The following ERCC6 variants were observed in gnomAD, a reference collection of about 807,000 sequenced individuals.
The protein encoded by ERCC6 is ERCC excision repair 6, chromatin remodeling factor.
ERCC6 carries 116 observed loss-of-function variants against 158.7 expected under a neutral mutation model. That is an observed-to-expected ratio of 0.73 (90% CI 0.63 to 0.85). The LOEUF is 0.85. ERCC6 is among the 40% of genes least tolerant of loss of function. The pLI is 0.00. For missense variants in ERCC6, 1,698 were observed against 1,799.4 expected, an observed-to-expected ratio of 0.94 and a Z score of 1.02; for synonymous variants, 678 against 659.3, an observed-to-expected ratio of 1.03 and a Z score of -0.43.
chr10:49,449,953 A>G (rs1358985656), downstream of ERCC6, among the ~76,000 whole-genome samples: 1 of 151,870 alleles, frequency 6.6e-6, no homozygotes, highest in African/African-American at 2.4e-5. Flanking sequence ...GATCACTACA[A>G]CCTTGACCTC....
At chr10:49,517,228 A>G in intron 5 of ERCC6, 1 of 1,431,128 alleles carries the variant, frequency 7.0e-7, no homozygotes, top group Non-Finnish European at 9.3e-7. Flanking sequence ...CAATAATAAT[A>G]CTTTCTGTAT....
chr10:49,504,586 T>C (rs1363431609), intron 6 of ERCC6: 1 of 152,194 alleles, frequency 6.6e-6, no homozygotes, highest in Non-Finnish European at 1.5e-5. Context: ...ATAATTTGGG[T>C]ATTCCTTTTG....
chr10:49,511,453 C>T (rs1274480958), intron 5 of ERCC6, among the ~76,000 whole-genome samples: 6 of 145,518 alleles, frequency 4.1e-5, no homozygotes. Flanking sequence ...GAGACAAAGT[C>T]TCACTCTGTC....
chr10:49,473,556 G>A lies in ERCC6; in HGVS notation c.2630C>T (p.Ala877Val), dbSNP rs774425283. Residue 877 changes from alanine to valine, a missense_variant, in exon 14 of 21, where the codon GCC becomes GTC. Coordinates refer to ENST00000355832, the MANE Select transcript of ERCC6 (RefSeq NM_000124.4). Reference protein sequence around the residue: ...MLDILEVFLRAQKYTYLKMDG... With the variant: ...MLDILEVFLRVQKYTYLKMDG... The stretch of plus-strand genomic sequence containing the variant: ...CATCTTGAGATAGGTATACTTTTGG[G>A]CTCTAAGGAATACTTCAAGTATGTC... 2.5e-6 allele frequency: 4 copies of A among 1,612,240 alleles called. No individual in the cohort carries two copies. The highest frequency in any genetic ancestry group is 1.7e-6 in the Non-Finnish European group (2 of 1,178,400).
At chr10:49,518,894 C>T (rs1181065336) in intron 5 of ERCC6, among the ~76,000 whole-genome samples, 2 of 152,128 alleles carry the variant, frequency 1.3e-5, no homozygotes, top group Non-Finnish European at 2.9e-5. Flanking sequence ...CTTTACATCT[C>T]AGAGTTACTC....
chr10:49,467,731 A>AT lies in ERCC6; in HGVS notation c.3778+2450dup, dbSNP rs560815159. Among the ~76,000 whole-genome samples the AT allele has an allele frequency of 2.1e-3, 304 of 145,528 alleles. 2 individuals are homozygous for AT. Among genetic ancestry groups the AT allele is most frequent in the South Asian group, 3.1e-3 (14 of 4,558 alleles). On this transcript the variant is annotated intron_variant, in intron 18 of 20. Coordinates refer to ENST00000355832, the MANE Select transcript of ERCC6 (RefSeq NM_000124.4). ...CAGGTGTATGCTACCACACCCGGCT[A>AT]TTTTTTTTTTTATTTTTTGTAGAGA... is the stretch of plus-strand genomic sequence containing the variant.
At chr10:49,529,351 C>T (rs1048864446) in intron 3 of ERCC6, among the ~76,000 whole-genome samples, 6 of 152,242 alleles carry the variant, frequency 3.9e-5, no homozygotes, top group Admixed American at 3.9e-4. Flanking sequence ...GAATAGTCTA[C>T]CTCTAACCAT....
rs118095088 is a variant in ERCC6 at position 49,456,562 on chromosome 10, T to G, written c.*2253A>C. The stretch of plus-strand genomic sequence containing the variant: ...TACACACCAAACCTAGGGCTGTACT[T>G]AGCTGTGGAACAGGTGCAAGATGGT... On this transcript the variant is annotated 3_prime_UTR_variant, in exon 21 of 21. Transcript: ENST00000355832. 1 of 152,302 alleles carries G rather than the reference T, an allele frequency of 6.6e-6. No homozygotes were observed. Among genetic ancestry groups the G allele is most frequent in the Non-Finnish European group, 1.5e-5 (1 of 68,022 alleles). The allele number at this position is 152,302 out of a possible 1,614,324, so 9.4% of individuals were successfully genotyped here. A position where few individuals can be genotyped will look rare whatever the true frequency, so the allele number is the denominator to read the frequency against.
At chr10:49,518,702 C>G (rs1564439151) in intron 5 of ERCC6, among the ~76,000 whole-genome samples, 1 of 152,122 alleles carries the variant, frequency 6.6e-6, no homozygotes, top group Non-Finnish European at 1.5e-5. Flanking sequence ...GCTCCCTCCT[C>G]AGAACAGTGG....
At chr10:49,447,748 A>C in the ERCC6 span, among the ~76,000 whole-genome samples, 1 of 149,544 alleles carries the variant, frequency 6.7e-6, no homozygotes, top group African/African-American at 2.5e-5. Flanking sequence ...CCCCCTCCCC[A>C]CCCCAGCCTC....
chr10:49,469,870 G>A (rs1850741091), intron 18 of ERCC6, among the ~76,000 whole-genome samples: 1 of 152,196 alleles, frequency 6.6e-6, no homozygotes, highest in Admixed American at 6.5e-5. Context: ...TCAGATTAAT[G>A]TAGCATATAG....
At chr10:49,490,926 C>T (rs533512790) in intron 8 of ERCC6, among the ~76,000 whole-genome samples, 1 of 152,164 alleles carries the variant, frequency 6.6e-6, no homozygotes, top group Admixed American at 6.5e-5. Context: ...AGGCATTAGA[C>T]GCTGAGTTAG....
At chr10:49,439,526 T>C in the ERCC6 span, among the ~76,000 whole-genome samples, 1 of 152,230 alleles carries the variant, frequency 6.6e-6, no homozygotes, top group Non-Finnish European at 1.5e-5. Context: ...TAGGAGGAGC[T>C]GCTGTGAAGA....
downstream of ERCC6, among the ~76,000 whole-genome samples, chr10:49,451,177 GTT>G (rs35839478): frequency 5.3e-4 from 69 of 130,138 alleles, no homozygotes; most frequent in African/African-American, 1.6e-3. Flanking sequence ...AGTTTCAATA[GTT>G]TTTTTTTTTT....
the ERCC6 span, among the ~76,000 whole-genome samples, chr10:49,442,421 G>A: frequency 2.0e-5 from 3 of 152,264 alleles, no homozygotes; most frequent in Admixed American, 2.0e-4. Context: ...TGAGAAACAC[G>A]GTTCCTCAAA....
intron 4 of ERCC6, among the ~76,000 whole-genome samples, chr10:49,526,117 TTATATATATATATATATATATATA>T (rs55801003): frequency 1.1e-4 from 5 of 43,592 alleles, no homozygotes; most frequent in African/African-American, 3.5e-4. Flanking sequence ...TTATATATTT[TTATATATATATATATATATATATA>T]TATATATATA....
the ERCC6 span, among the ~76,000 whole-genome samples, chr10:49,435,548 A>G: frequency 6.6e-6 from 1 of 152,246 alleles, no homozygotes; most frequent in East Asian, 1.9e-4. Flanking sequence ...GTATTTGAAA[A>G]TTCAACACTT....
intron 13 of ERCC6, 131 bp downstream of exon 13, chr10:49,473,896 C>CG: frequency 1.1e-6 from 1 of 878,122 alleles, no homozygotes; most frequent in Non-Finnish European, 1.8e-6. Flanking sequence ...CCAAAGAAAT[C>CG]GGTAGACTGC....
Position 49,528,267 on chromosome 10 carries a change from A to T in ERCC6, c.652+150T>A, listed in dbSNP as rs116820384. 6.7e-4 allele frequency: 596 copies of T among 888,666 alleles called. 2 individuals are homozygous for T. In the African/African-American group the frequency reaches 8.5e-3, roughly 13 times the overall value. 55.0% of individuals were successfully genotyped at this position (888,666 alleles called of 1,614,324 possible). On this transcript the variant is annotated intron_variant, in intron 4 of 20. Transcript: ENST00000355832. ...GGGATTTGGTTCTGCAGGTGTAGAG[A>T]ATAAAATTTTCCTAAATCTGTTTTG...
Sources: gnomAD v4.1 joint callset for allele counts (sites outside exome capture counted in the v4.1 genomes callset) on GRCh38, gnomAD v4.1.1 for gene constraint, MANE v1.5 for transcripts, NCBI Gene and HGNC (gene_info 2026-07-23, HGNC 2026-07-21) for gene names.